Variants in SYT10 observed in about 807,000 individuals in gnomAD.
SYT10 encodes synaptotagmin-10.
SYT10 carries 31 observed loss-of-function variants against 51.1 expected under a neutral mutation model. The observed-to-expected ratio is 0.61, with a 90% confidence interval of 0.46 to 0.82. The LOEUF is 0.82. Ranked by LOEUF, SYT10 falls within the 40% of genes least tolerant of loss-of-function variation. SYT10 has a pLI of 0.00. For synonymous variants in SYT10, 233 were observed against 225.9 expected (o/e 1.03, Z -0.28); for missense variants, 603 against 634.0 (o/e 0.95, Z 0.53).
intron 5 of SYT10, among the ~76,000 whole-genome samples, chr12:33,381,456 C>T (rs1398961037): frequency 6.6e-6 from 1 of 152,006 alleles, no homozygotes; most frequent in Admixed American, 6.6e-5. Flanking sequence ...AGGTTAAAAA[C>T]ACAAGTATTC....
Position 33,426,495 on chromosome 12 carries a change from T to C in SYT10, c.152A>G (p.Asp51Gly). Reference protein sequence around the residue: ...DRGSQGGSSTDISVSLLAVVV... With the variant: ...DRGSQGGSSTGISVSLLAVVV... ...GACAGCTAACAGGCTGACTGAAATA[T>C]CTGGAAAAATTACAATGTAAAAATG... is the stretch of plus-strand genomic sequence containing the variant. Residue 51 changes from aspartate (D) to glycine (G), a missense_variant and splice_region_variant, in exon 2 of 7, where the codon GAT becomes GGT. By Grantham distance (94) the Asp-to-Gly change is moderately conservative. Transcript: ENST00000228567. 6.4e-7 allele frequency: 1 copy of C among 1,559,934 alleles called. No homozygotes were observed. Among genetic ancestry groups the C allele is most frequent in the Non-Finnish European group, 8.6e-7 (1 of 1,157,622 alleles).
At position 33,436,560 on chromosome 12, in the gene SYT10, G is replaced by A. The variant is rs1866639131; in HGVS notation, c.151+2812C>T. Among the ~76,000 whole-genome samples the A allele has an allele frequency of 3.3e-5, 5 of 152,268 alleles. No individual in the cohort carries two copies. In the South Asian group the frequency reaches 1.0e-3, roughly 32 times the overall value. On this transcript the variant is annotated intron_variant, in intron 1 of 6. Transcript: ENST00000228567. ...GTCATGTTGTGATCATATTGTGACT[G>A]TGAGATCCTCAATGGCAACAATACT...
At position 33,382,390 on chromosome 12, in the gene SYT10, C is replaced by G; in HGVS notation, c.1329G>C (p.Val443=). 6.2e-7 allele frequency: 1 copy of G among 1,612,356 alleles called. No homozygotes were observed. Among genetic ancestry groups the G allele is most frequent in the South Asian group, 1.1e-5 (1 of 90,834 alleles). ...AIIFDIPPEN[V]DQVSLSIAVM... ...CCGCAATGGAGAGGCTGACCTGGTC[C>G]ACGTTCTCTGGAGGGATGTCAAAAA... The change falls in exon 5 of 7, where the codon GTG becomes GTC. Residue 443 remains valine, a synonymous_variant. Coordinates refer to ENST00000228567, the MANE Select transcript of SYT10 (RefSeq NM_198992.4).
At chr12:33,412,230 A>C (rs1266442673) in intron 2 of SYT10, among the ~76,000 whole-genome samples, 2 of 90,858 alleles carry the variant, frequency 2.2e-5, no homozygotes, top group Non-Finnish European at 4.1e-5. Context: ...GCAGCTGTAA[A>C]GTCCCTTTAT....
At position 33,382,453 on chromosome 12, in the gene SYT10, C is replaced by T; in HGVS notation, c.1266G>A (p.Lys422=). 6.2e-7 allele frequency: 1 copy of T among 1,613,042 alleles called. No individual in the cohort carries two copies. The highest frequency in any genetic ancestry group is 8.5e-7 in the Non-Finnish European group (1 of 1,179,484). Residue 422 remains lysine (K), a synonymous_variant, in exon 5 of 7, where the codon AAG becomes AAA. Transcript: ENST00000228567. ...RRLKKRKTTT[K]KNTLNPVYNE... ...TGTACACAGGGTTTAGAGTGTTTTT[C>T]TTTGTAGTTGTTTTCCTCTTTTTTA...
chr12:33,382,243 CA>C, intron 5 of SYT10, 105 bp downstream of exon 5: 2 of 1,069,756 alleles, frequency 1.9e-6, no homozygotes, highest in Non-Finnish European at 2.5e-6. Flanking sequence ...TTCCCTCCTC[CA>C]ATTTAAATTA....
intron 3 of SYT10, among the ~76,000 whole-genome samples, 187 bp downstream of exon 3, chr12:33,406,602 G>C (rs1054633179): frequency 6.6e-6 from 1 of 152,064 alleles, no homozygotes; most frequent in Non-Finnish European, 1.5e-5. Flanking sequence ...ACAATCACTA[G>C]GGTTACTAGT....
At position 33,382,492 on chromosome 12, in the gene SYT10, A is replaced by G; in HGVS notation, c.1227T>C (p.Cys409=). 1.2e-6 allele frequency: 2 copies of G among 1,612,800 alleles called. No homozygotes were observed. Among genetic ancestry groups the G allele is most frequent in the East Asian group, 2.2e-5 (1 of 44,838 alleles). Residue 409 remains cysteine, a synonymous_variant, in exon 5 of 7, where the codon TGT becomes TGC. Transcript: ENST00000228567. Reference sequence around the variant, plus strand: ...TCCTCTTTTTTAATCTTCGACCTTCACACATCAGGGACACTTTGACATAAG... The same window carrying G: ...TCCTCTTTTTTAATCTTCGACCTTCGCACATCAGGGACACTTTGACATAAG... The part of the protein sequence containing the change: ...SDPYVKVSLM[C]EGRRLKKRKT...
intron 3 of SYT10, among the ~76,000 whole-genome samples, chr12:33,385,784 G>T (rs537542826): frequency 2.9e-4 from 44 of 152,260 alleles, no homozygotes; most frequent in African/African-American, 8.7e-4. Flanking sequence ...CACTTGCCAG[G>T]ATTACTTCAC....
In SYT10 at chr12:33,379,831, C is replaced by A. The variant is rs1866098012; in HGVS notation, c.1500+1G>T. 1.2e-6 allele frequency: 2 copies of A among 1,613,564 alleles called. No homozygotes were observed. Among genetic ancestry groups the A allele is most frequent in the Non-Finnish European group, 1.7e-6 (2 of 1,179,792 alleles). Reference sequence around the variant, plus strand: ...CAGACGTAAGGAACTCACAAGCTTACCTCCAGCAATGGGTGCCAGTGCGTT... The same window carrying A: ...CAGACGTAAGGAACTCACAAGCTTAACTCCAGCAATGGGTGCCAGTGCGTT... On this transcript the variant is annotated splice_donor_variant, in intron 6 of 6. Coordinates refer to ENST00000228567, the MANE Select transcript of SYT10 (RefSeq NM_198992.4). LOFTEE classifies it high-confidence loss of function.
chr12:33,431,583 T>C (rs1049809639), intron 1 of SYT10, among the ~76,000 whole-genome samples: 6 of 152,188 alleles, frequency 3.9e-5, no homozygotes, highest in East Asian at 3.8e-4. Context: ...ATAAAATACA[T>C]ACTTTAAAAC....
intron 2 of SYT10, among the ~76,000 whole-genome samples, chr12:33,413,708 G>T (rs181928717): frequency 6.6e-6 from 1 of 152,052 alleles, no homozygotes; most frequent in Admixed American, 6.6e-5. Flanking sequence ...AGGAACAACC[G>T]GTACCAGCCA....
At position 33,407,247 on chromosome 12, in the gene SYT10, C is replaced by T; in HGVS notation, c.619G>A (p.Gly207Arg). ...LQRGETTTSI[G>R]RIKPELYKQK... The stretch of plus-strand genomic sequence containing the variant: ...TTGTAGAGTTCTGGCTTTATCCTCC[C>T]AATGCTGGTTGTTGTTTCTCCTCGT... The change falls in exon 3 of 7, where the codon GGG (glycine) becomes AGG (arginine). Residue 207 changes from glycine to arginine, a missense_variant. Gly to Arg is a moderately radical substitution (Grantham distance 125, BLOSUM62 -2). Coordinates refer to ENST00000228567, the MANE Select transcript of SYT10 (RefSeq NM_198992.4). 1 of 1,614,102 alleles carries T rather than the reference C, an allele frequency of 6.2e-7. No homozygotes were observed.
intron 1 of SYT10, among the ~76,000 whole-genome samples, chr12:33,430,066 A>G (rs1254386018): frequency 6.6e-6 from 1 of 152,232 alleles, no homozygotes; most frequent in Non-Finnish European, 1.5e-5. Context: ...ATATCTGGAA[A>G]GATTAAGAGC....
In SYT10 at chr12:33,439,378, T is replaced by C. The variant is rs751290091; in HGVS notation, c.145A>G (p.Ser49Gly). The C allele has an allele frequency of 6.2e-7, 1 of 1,613,344 alleles. No homozygotes were observed. Among genetic ancestry groups the C allele is most frequent in the Admixed American group, 1.7e-5 (1 of 59,996 alleles). ...PRDRGSQGGS[S>G]TDISVSLLAV... is the part of the protein sequence containing the mutation. The stretch of plus-strand genomic sequence containing the variant: ...GCGGAGCCCTCCCGGTTACCTGTGC[T>C]GCTTCCGCCCTGGCTGCCCCTGTCC... Residue 49 changes from serine (S) to glycine (G), a missense_variant, in exon 1 of 7, where the codon AGC becomes GGC. Transcript: ENST00000228567.
At chr12:33,413,924 G>T (rs1296945399) in intron 2 of SYT10, among the ~76,000 whole-genome samples, 1 of 152,146 alleles carries the variant, frequency 6.6e-6, no homozygotes, top group Non-Finnish European at 1.5e-5. Context: ...TGAGTGTGCT[G>T]TATTCAGGAA....
At position 33,382,448 on chromosome 12, in the gene SYT10, T is replaced by C; in HGVS notation, c.1271A>G (p.Asn424Ser). 1 of 1,613,132 alleles carries C rather than the reference T, an allele frequency of 6.2e-7. No individual in the cohort carries two copies. The highest frequency in any genetic ancestry group is 8.5e-7 in the Non-Finnish European group (1 of 1,179,498). Reference protein sequence around the residue: ...LKKRKTTTKKNTLNPVYNEAI... With the variant: ...LKKRKTTTKKSTLNPVYNEAI... ...CTCATTGTACACAGGGTTTAGAGTGTTTTTCTTTGTAGTTGTTTTCCTCTT... is the reference window on the plus strand; with the variant it reads ...CTCATTGTACACAGGGTTTAGAGTGCTTTTCTTTGTAGTTGTTTTCCTCTT... The change falls in exon 5 of 7, where the codon AAC (asparagine) becomes AGC (serine). Residue 424 changes from asparagine (N) to serine (S), a missense_variant. Physicochemically the swap from Asn to Ser is conservative, Grantham distance 46 (BLOSUM62 1). Coordinates refer to ENST00000228567, the MANE Select transcript of SYT10 (RefSeq NM_198992.4).
At chr12:33,415,127 G>T (rs1453529022) in intron 2 of SYT10, among the ~76,000 whole-genome samples, 1 of 152,140 alleles carries the variant, frequency 6.6e-6, no homozygotes, top group Non-Finnish European at 1.5e-5. Context: ...GCTACAGTTT[G>T]GTTCTAGCTT....
intron 1 of SYT10, among the ~76,000 whole-genome samples, chr12:33,431,675 A>G (rs1319614114): frequency 6.6e-6 from 1 of 152,222 alleles, no homozygotes; most frequent in Non-Finnish European, 1.5e-5. Context: ...TAATTGTGTC[A>G]TAATTTTTGT....
Sources: gnomAD v4.1 joint callset for allele counts (sites outside exome capture counted in the v4.1 genomes callset) on GRCh38, gnomAD v4.1.1 for gene constraint, MANE v1.5 for transcripts, NCBI Gene and HGNC (gene_info 2026-07-23, HGNC 2026-07-21) for gene names.